Variants in LMX1B observed in about 807,000 individuals in gnomAD.
LMX1B encodes LIM homeobox transcription factor 1 beta.
Under a neutral mutation model 51.4 loss-of-function variants are expected in LMX1B, and 12 were observed. The ratio of observed to expected loss-of-function variants is 0.23; its 90% CI spans 0.15 to 0.38. LMX1B has a LOEUF of 0.38. Among genes scored for constraint, LMX1B ranks in the 10% least tolerant of loss-of-function variants. The pLI, the probability that LMX1B is intolerant of heterozygous loss-of-function variation, is 1.00. For synonymous variants in LMX1B, 237 were observed against 235.4 expected, an observed-to-expected ratio of 1.01 and a Z score of -0.06; for missense variants, 445 against 571.1, an observed-to-expected ratio of 0.78 and a Z score of 2.25.
rs533492852 is a variant in LMX1B at position 126,615,969 on chromosome 9, G to A, written c.326+400G>A. 1.8e-3 allele frequency among the ~76,000 whole-genome samples: 274 copies of A among 152,350 alleles called. No homozygotes were observed. Among genetic ancestry groups the A allele is most frequent in the African/African-American group, 6.4e-3 (266 of 41,596 alleles). On this transcript the variant is annotated intron_variant, in intron 2 of 7. Coordinates refer to ENST00000373474, the MANE Select transcript of LMX1B (RefSeq NM_001174147.2). The surrounding 1 kb of genome is among the most constrained non-coding windows in gnomAD (Gnocchi z 6.0). Reference sequence around the variant, plus strand: ...CTGCTTCAAGGGCCTGGTGTGTGGGGGTTTGGGATTCCTGGAGCCTGGAGC... The same window carrying A: ...CTGCTTCAAGGGCCTGGTGTGTGGGAGTTTGGGATTCCTGGAGCCTGGAGC...
intron 2 of LMX1B, among the ~76,000 whole-genome samples, chr9:126,636,456 TAG>T (rs1835714197): frequency 6.6e-6 from 1 of 152,060 alleles, no homozygotes; most frequent in Admixed American, 6.5e-5. Context: ...AAGTCTGTGC[TAG>T]AGAGTCTGGC....
chr9:126,631,428 A>ATTAGGTCT, intron 2 of LMX1B, among the ~76,000 whole-genome samples: 1 of 151,900 alleles, frequency 6.6e-6, no homozygotes, highest in Non-Finnish European at 1.5e-5. Context: ...TAAGAGACCT[A>ATTAGGTCT]ATGCCTATTA....
At chr9:126,645,879 G>A (rs1835891908) in intron 2 of LMX1B, among the ~76,000 whole-genome samples, 1 of 152,186 alleles carries the variant, frequency 6.6e-6, no homozygotes, top group Non-Finnish European at 1.5e-5. Flanking sequence ...ATGGGGTGGG[G>A]GAGAAGCCGC....
At chr9:126,674,494 C>T (rs1259346912) in intron 2 of LMX1B, among the ~76,000 whole-genome samples, 1 of 152,194 alleles carries the variant, frequency 6.6e-6, no homozygotes, top group Non-Finnish European at 1.5e-5. Flanking sequence ...TCTGTCTCCT[C>T]TTGGTCATCA....
chr9:126,616,096 G>T (rs1320856838), intron 2 of LMX1B, among the ~76,000 whole-genome samples: 6 of 152,172 alleles, frequency 3.9e-5, no homozygotes, highest in African/African-American at 1.4e-4. Context: ...CCCTGATGGA[G>T]AGAAAAGAAT....
intron 3 of LMX1B, 131 bp downstream of exon 3, chr9:126,691,199 A>C: frequency 1.5e-6 from 1 of 664,790 alleles, no homozygotes; most frequent in South Asian, 1.8e-5. Flanking sequence ...GTACATGCAT[A>C]TCCAGATGCA....
chr9:126,692,063 C>T (rs75260627), intron 3 of LMX1B, among the ~76,000 whole-genome samples: 3 of 152,208 alleles, frequency 2.0e-5, no homozygotes, highest in African/African-American at 7.2e-5. Context: ...GTCTGCCAGG[C>T]CCCATGGGTA....
intron 2 of LMX1B, among the ~76,000 whole-genome samples, chr9:126,687,103 C>A (rs756766964): frequency 1.2e-4 from 19 of 152,068 alleles, no homozygotes; most frequent in Non-Finnish European, 2.4e-4. Flanking sequence ...GGGCACACAC[C>A]GAACAAAAGA....
chr9:126,691,685 C>A (rs991434919), intron 3 of LMX1B, among the ~76,000 whole-genome samples: 1 of 152,188 alleles, frequency 6.6e-6, no homozygotes, highest in African/African-American at 2.4e-5. Context: ...TTCACCAGCA[C>A]CCAGTCCACA....
At chr9:126,642,287 G>A (rs1231168426) in intron 2 of LMX1B, among the ~76,000 whole-genome samples, 1 of 152,120 alleles carries the variant, frequency 6.6e-6, no homozygotes, top group Non-Finnish European at 1.5e-5. Context: ...CCCAGATCCT[G>A]TGTCCCAAAC....
chr9:126,689,644 C>T (rs933909308), intron 2 of LMX1B, among the ~76,000 whole-genome samples: 10 of 152,294 alleles, frequency 6.6e-5, no homozygotes, highest in African/African-American at 2.4e-5. Context: ...GAGGAGGGGC[C>T]GTGCTGCCCA....
chr9:126,636,418 T>C (rs1297243455), intron 2 of LMX1B, among the ~76,000 whole-genome samples: 1 of 151,994 alleles, frequency 6.6e-6, no homozygotes, highest in East Asian at 1.9e-4. Flanking sequence ...CACAAGGGCC[T>C]GGAGAGGTCA....
chr9:126,661,171 C>T (rs1476783988), intron 2 of LMX1B, among the ~76,000 whole-genome samples: 2 of 152,142 alleles, frequency 1.3e-5, no homozygotes, highest in African/African-American at 4.8e-5. Context: ...TGCCCTGACA[C>T]AGGGCGACCC....
intron 2 of LMX1B, among the ~76,000 whole-genome samples, chr9:126,688,203 T>C (rs1490101797): frequency 1.3e-5 from 2 of 152,114 alleles, no homozygotes; most frequent in Non-Finnish European, 2.9e-5. Context: ...TAATAATAGA[T>C]TGTGTTGATG....
At chr9:126,631,010 G>A (rs925992507) in intron 2 of LMX1B, among the ~76,000 whole-genome samples, 1 of 152,194 alleles carries the variant, frequency 6.6e-6, no homozygotes, top group Non-Finnish European at 1.5e-5. Context: ...CCCCTCCCAC[G>A]TGCCCCCGCC....
At chr9:126,633,065 G>A (rs1281063611) in intron 2 of LMX1B, among the ~76,000 whole-genome samples, 3 of 152,138 alleles carry the variant, frequency 2.0e-5, no homozygotes, top group East Asian at 3.9e-4. Flanking sequence ...GCGTCCCCTG[G>A]CCTCCATCAT....
At chr9:126,651,358 C>T (rs551982670) in intron 2 of LMX1B, among the ~76,000 whole-genome samples, 16 of 148,868 alleles carry the variant, frequency 1.1e-4, no homozygotes, top group East Asian at 6.4e-4. Flanking sequence ...CCCCAGACCC[C>T]GAGGGCTGCC....
In LMX1B at chr9:126,615,843, G is replaced by A. The variant is rs1422387195; in HGVS notation, c.326+274G>A. Among the ~76,000 whole-genome samples, 2 of 152,254 alleles carry A rather than the reference G, an allele frequency of 1.3e-5. No homozygotes were observed. Among genetic ancestry groups the A allele is most frequent in the Non-Finnish European group, 2.9e-5 (2 of 68,046 alleles). Reference sequence around the variant, plus strand: ...GGGCCGGCCGAGGGATTTGGTGCCTGGGTCCTGGGATATAGGGTCTGGCGC... The same window carrying A: ...GGGCCGGCCGAGGGATTTGGTGCCTAGGTCCTGGGATATAGGGTCTGGCGC... On this transcript the variant is annotated intron_variant, in intron 2 of 7. Coordinates refer to ENST00000373474, the MANE Select transcript of LMX1B (RefSeq NM_001174147.2). The surrounding 1 kb of genome is among the most constrained non-coding windows in gnomAD (Gnocchi z 6.0).
In LMX1B at chr9:126,677,984, G is replaced by A. The variant is rs1439956080; in HGVS notation, c.327-12852G>A. Among the ~76,000 whole-genome samples the A allele has an allele frequency of 2.0e-5, 3 of 152,128 alleles. No homozygotes were observed. The highest frequency in any genetic ancestry group is 7.2e-5 in the African/African-American group (3 of 41,418). On this transcript the variant is annotated intron_variant, in intron 2 of 7. Transcript: ENST00000373474. The surrounding 1 kb of genome is among the most constrained non-coding windows in gnomAD (Gnocchi z 5.0). The stretch of plus-strand genomic sequence containing the variant: ...CTACCATGCCTCAAGGTCTTATATG[G>A]ACAGACTCAGGCTCATTCAGAGGGT...
Sources: allele counts gnomAD v4.1 joint callset (sites outside exome capture counted in the v4.1 genomes callset), GRCh38; gene constraint gnomAD v4.1.1; non-coding constraint Gnocchi (gnomAD v3.1); transcripts MANE v1.5; gene names NCBI Gene and HGNC (gene_info 2026-07-23, HGNC 2026-07-21).